UBR2: variants seen among roughly 807,000 people sequenced by gnomAD.
UBR2 encodes the protein ubiquitin protein ligase E3 component n-recognin 2.
A neutral mutation model predicts 247.9 loss-of-function variants in UBR2; 92 were observed. That is an observed-to-expected ratio of 0.37 (90% CI 0.31 to 0.44). UBR2 has a LOEUF of 0.44. Ranked by LOEUF, UBR2 falls within the 20% of genes least tolerant of loss-of-function variation. The pLI is 1.00. For missense variants in UBR2, 1,613 were observed against 2,112.6 expected, an observed-to-expected ratio of 0.76 and a Z score of 4.64; for synonymous variants, 672 against 693.5, an observed-to-expected ratio of 0.97 and a Z score of 0.49.
rs1791821954 is a variant in UBR2 at position 42,580,622 on chromosome 6, C to T, written c.338+6629C>T. 2.0e-5 allele frequency among the ~76,000 whole-genome samples: 3 copies of T among 152,100 alleles called. No homozygotes were observed. In the South Asian group the frequency reaches 6.2e-4, roughly 32 times the overall value. On this transcript the variant is annotated intron_variant, in intron 2 of 46. Coordinates refer to ENST00000372901, the MANE Select transcript of UBR2 (RefSeq NM_001363705.2). ...GGGCACGATCTTGGCTCACTGCAGC[C>T]TCCGCCTCCTGGGTTCAAGCGATTC...
chr6:42,619,056 T>C (rs1041176119), intron 11 of UBR2, among the ~76,000 whole-genome samples: 5 of 152,148 alleles, frequency 3.3e-5, no homozygotes, highest in African/African-American at 1.2e-4. Context: ...CCTCCTTCAT[T>C]GAACCATTTC....
chr6:42,666,200 A>T lies in UBR2; in HGVS notation c.3836A>T (p.Asp1279Val). The T allele has an allele frequency of 1.9e-6, 3 of 1,612,406 alleles. No individual in the cohort carries two copies. Among genetic ancestry groups the T allele is most frequent in the Non-Finnish European group, 2.5e-6 (3 of 1,179,188 alleles). ...NASTKNSENV[D>V]ELQLPEGFRP... The stretch of plus-strand genomic sequence containing the variant: ...TCTACAAAGAATTCAGAAAATGTGG[A>T]TGAATTACAGCTCCCTGAAGGGTTC... The change falls in exon 34 of 47, where the codon GAT becomes GTT. Residue 1279 changes from aspartate to valine, a missense_variant. Transcript: ENST00000372901.
In UBR2 at chr6:42,573,879, G is replaced by A; in HGVS notation, c.224G>A (p.Trp75Ter). ...CATGTTTTGTTGGGACCAATGGAATGGTACCTTTGTGGTGAAGATCCTGCA... is the reference window on the plus strand; with the variant it reads ...CATGTTTTGTTGGGACCAATGGAATAGTACCTTTGTGGTGAAGATCCTGCA... ...AQHVLLGPMEWYLCGEDPAFG... is the reference protein window; with the variant it reads ...AQHVLLGPME The change falls in exon 2 of 47, where the codon TGG (tryptophan) becomes TAG (stop). Residue 75 changes from tryptophan to a stop codon, truncating the protein, a stop_gained. Transcript: ENST00000372901. LOFTEE classifies it high-confidence loss of function. 6.2e-7 allele frequency: 1 copy of A among 1,614,028 alleles called. No individual in the cohort carries two copies.
At chr6:42,573,520 T>C (rs1461567488) in intron 1 of UBR2, among the ~76,000 whole-genome samples, 2 of 152,216 alleles carry the variant, frequency 1.3e-5, no homozygotes, top group Non-Finnish European at 2.9e-5. Flanking sequence ...GGGAGGCTTG[T>C]TTCATTTTAA....
At position 42,573,945 on chromosome 6, in the gene UBR2, A is replaced by G. The variant is rs149236559; in HGVS notation, c.290A>G (p.His97Arg). 15 of 1,612,426 alleles carry G rather than the reference A, an allele frequency of 9.3e-6. No homozygotes were observed. The African/African-American group carries it at 1.7e-4, about 19-fold the overall frequency. ...PKLEQANKPS[H>R]LCGRVFKVGE... ...CTTGAGCAAGCAAACAAACCTTCTC[A>G]TCTTTGTGGTCGTGTTTTTAAAGTA... The change falls in exon 2 of 47, where the codon CAT (histidine) becomes CGT (arginine). Residue 97 changes from histidine to arginine, a missense_variant. Around this residue, in one of 3 missense-constraint regions of UBR2, gnomAD observed 1,524 missense variants for 1,967.3 expected, o/e 0.77. Transcript: ENST00000372901.
intron 2 of UBR2, 120 bp downstream of exon 2, chr6:42,574,113 A>G: frequency 2.0e-6 from 2 of 980,938 alleles, no homozygotes; most frequent in South Asian, 2.2e-5. Context: ...AAAAATCTGT[A>G]TTACAAATAC....
intron 46 of UBR2, among the ~76,000 whole-genome samples, chr6:42,690,463 G>A (rs1005189907): frequency 2.6e-5 from 4 of 152,230 alleles, no homozygotes; most frequent in Non-Finnish European, 5.9e-5. Flanking sequence ...GCCTGGCTCA[G>A]GGCACTGGTC....
In UBR2 at chr6:42,637,035, A is replaced by G; in HGVS notation, c.1699A>G (p.Lys567Glu). ...SDEKVLIEAY[K>E]KCLAVLMQCH... ...GGAAAAAGTGTTAATCGAAGCTTAC[A>G]AGAAATGTCTCGCTGTACTGATGCA... Residue 567 changes from lysine (K) to glutamate (E), a missense_variant, in exon 15 of 47, where the codon AAG (lysine) becomes GAG (glutamate). Lys to Glu is a moderately conservative substitution (Grantham distance 56). Around this residue, in one of 3 missense-constraint regions of UBR2, gnomAD observed 1,524 missense variants for 1,967.3 expected, o/e 0.77. Transcript: ENST00000372901. The G allele has an allele frequency of 6.2e-7, 1 of 1,608,242 alleles. No individual in the cohort carries two copies. The highest frequency in any genetic ancestry group is 1.1e-5 in the South Asian group (1 of 89,372).
chr6:42,576,064 A>T (rs561476831), intron 2 of UBR2, among the ~76,000 whole-genome samples: 1 of 151,810 alleles, frequency 6.6e-6, no homozygotes, highest in East Asian at 1.9e-4. Flanking sequence ...GTACAACAAG[A>T]TGTCCCAGGC....
At chr6:42,673,412 C>G (rs1270936756) in intron 36 of UBR2, among the ~76,000 whole-genome samples, 1 of 152,278 alleles carries the variant, frequency 6.6e-6, no homozygotes, top group South Asian at 2.1e-4. Context: ...ACCTCTGCCT[C>G]CAGGGTTCAA....
chr6:42,605,638 G>A, intron 5 of UBR2, 83 bp from the exon 6 acceptor site: 1 of 1,338,210 alleles, frequency 7.5e-7, no homozygotes, highest in Non-Finnish European at 1.0e-6. Flanking sequence ...ACATTGCATA[G>A]GACAAAGTAG....
At chr6:42,619,287 T>C (rs1794749317) in intron 11 of UBR2, among the ~76,000 whole-genome samples, 1 of 150,560 alleles carries the variant, frequency 6.6e-6, no homozygotes, top group Non-Finnish European at 1.5e-5. Flanking sequence ...TATTTGTAGA[T>C]TAATTTAGGA....
At chr6:42,570,458 C>G (rs1383924178) in intron 1 of UBR2, among the ~76,000 whole-genome samples, 1 of 152,152 alleles carries the variant, frequency 6.6e-6, no homozygotes, top group Non-Finnish European at 1.5e-5. Flanking sequence ...GTCTCGAACT[C>G]CTGGCCTCAA....
chr6:42,643,754 C>T (rs1336510033), intron 18 of UBR2, among the ~76,000 whole-genome samples: 1 of 151,782 alleles, frequency 6.6e-6, no homozygotes, highest in African/African-American at 2.4e-5. Flanking sequence ...ATAATGCTTG[C>T]CAGAAAAAAA....
chr6:42,644,095 T>C (rs1796600294), intron 18 of UBR2, 119 bp from the exon 19 acceptor site: 5 of 1,010,524 alleles, frequency 4.9e-6, no homozygotes, highest in South Asian at 3.4e-5. Context: ...GTGAACCTTT[T>C]AGGATTGGTA....
In UBR2 at chr6:42,652,473, TAAC is replaced by T; in HGVS notation, c.2615-14_2615-12del. 1.3e-6 allele frequency: 2 copies of T among 1,585,420 alleles called. No homozygotes were observed. The highest frequency in any genetic ancestry group is 1.4e-5 in the African/African-American group (1 of 73,290). The stretch of plus-strand genomic sequence containing the variant: ...CATGTTCTGTAAAAGAAACCAATAA[TAAC>T]AACTGTATTTTCAGCACTCCCACCT... On this transcript the variant is annotated splice_polypyrimidine_tract_variant and intron_variant, in intron 24 of 46. Coordinates refer to ENST00000372901, the MANE Select transcript of UBR2 (RefSeq NM_001363705.2).
intron 2 of UBR2, among the ~76,000 whole-genome samples, chr6:42,591,191 G>T (rs1202949457): frequency 4.6e-5 from 7 of 152,216 alleles, no homozygotes; most frequent in Non-Finnish European, 1.0e-4. Context: ...GGTTGAGGCT[G>T]CAGTGAGCCA....
intron 25 of UBR2, among the ~76,000 whole-genome samples, chr6:42,653,509 A>G (rs1797243758): frequency 6.6e-6 from 1 of 151,956 alleles, no homozygotes; most frequent in Non-Finnish European, 1.5e-5. Context: ...CCAAGTTTCA[A>G]TGAGGTTCCA....
chr6:42,629,683 T>C (rs1172916860), intron 11 of UBR2, among the ~76,000 whole-genome samples: 1 of 152,016 alleles, frequency 6.6e-6, no homozygotes, highest in East Asian at 1.9e-4. Context: ...TTTTTTAGGG[T>C]AAGTGTTAAG....
Sources: gnomAD v4.1 joint callset for allele counts (sites outside exome capture counted in the v4.1 genomes callset) on GRCh38, gnomAD v4.1.1 for gene constraint, gnomAD v4.1.1 regional missense constraint, MANE v1.5 for transcripts, NCBI Gene and HGNC (gene_info 2026-07-23, HGNC 2026-07-21) for gene names.